The following EIF5 variants were observed in gnomAD, a reference collection of about 807,000 sequenced individuals.
The protein encoded by EIF5 is eukaryotic translation initiation factor 5.
EIF5 carries 10 observed loss-of-function variants against 48.3 expected under a neutral mutation model. The ratio of observed to expected loss-of-function variants is 0.21; its 90% CI spans 0.13 to 0.35. The LOEUF (loss-of-function observed/expected upper bound fraction) is 0.35, where lower values mean the gene tolerates loss of function less well. Among genes scored for constraint, EIF5 ranks in the 10% least tolerant of loss-of-function variants. The pLI is 1.00. For synonymous variants in EIF5, 237 were observed against 173.1 expected (o/e 1.37, Z -2.90); for missense variants, 397 against 533.2 (o/e 0.74, Z 2.51).
chr14:103,340,738 CTG>C lies in EIF5; in HGVS notation c.1206+181_1206+182del, dbSNP rs551059148. On this transcript the variant is annotated intron_variant, in intron 11 of 11. Coordinates refer to ENST00000216554, the MANE Select transcript of EIF5 (RefSeq NM_001969.5). ...AAAATAATAGAAAGGGTGATGGAAA[CTG>C]TGTTCCTACTCCTACACATTATAGT... Among the ~76,000 whole-genome samples the C allele has an allele frequency of 1.8e-4, 28 of 152,234 alleles. No homozygotes were observed. In the South Asian group the frequency reaches 3.5e-3, roughly 19 times the overall value.
chr14:103,338,740 AGAG>A lies in EIF5; in HGVS notation c.597_599del (p.Glu199del), dbSNP rs749273358. On this transcript the variant is annotated inframe_deletion, in exon 8 of 12. Transcript: ENST00000216554. ...AGCTCTGTTTTCATAAACAGGAAGAAGAGGAGGATGATGACTGGGGAGAAGATA... is the reference window on the plus strand; with the variant it reads ...AGCTCTGTTTTCATAAACAGGAAGAAGAGGATGATGACTGGGGAGAAGATA... The A allele has an allele frequency of 1.1e-5, 18 of 1,613,270 alleles. No homozygotes were observed. Among genetic ancestry groups the A allele is most frequent in the East Asian group, 1.1e-4 (5 of 44,900 alleles).
In EIF5 at chr14:103,334,243, A is replaced by C. The variant is rs2089253705; in HGVS notation, c.-435A>C. The C allele has an allele frequency of 6.6e-6, 1 of 152,638 alleles. No individual in the cohort carries two copies. The highest frequency in any genetic ancestry group is 6.5e-5 in the Admixed American group (1 of 15,276). The allele number at this position is 152,638 out of a possible 1,614,324, so 9.5% of individuals were successfully genotyped here. ...CGCGGCGGCGGCGTTGTTCAGTCAG[A>C]GCGAGAACATTCCAGAGGTGAGTCC... is the stretch of plus-strand genomic sequence containing the variant. On this transcript the variant is annotated 5_prime_UTR_variant, in exon 1 of 12. Transcript: ENST00000216554.
Position 103,342,799 on chromosome 14 carries a change from T to C in EIF5, c.*1747T>C, listed in dbSNP as rs775804971. ...GAGGATTTTTTTTTCTTCAAACTTG[T>C]ATGTTGCCTAGGTTTCAAATTCTTT... is the stretch of plus-strand genomic sequence containing the variant. On this transcript the variant is annotated 3_prime_UTR_variant, in exon 12 of 12. Coordinates refer to ENST00000216554, the MANE Select transcript of EIF5 (RefSeq NM_001969.5). 6.6e-6 allele frequency: 1 copy of C among 152,628 alleles called. No individual in the cohort carries two copies. The highest frequency in any genetic ancestry group is 1.9e-4 in the East Asian group (1 of 5,200). The allele number at this position is 152,628 out of a possible 1,614,324, so 9.5% of individuals were successfully genotyped here. A position where few individuals can be genotyped will look rare whatever the true frequency, so the allele number is the denominator to read the frequency against.
intron 11 of EIF5, 60 bp from the exon 12 acceptor site, chr14:103,340,903 T>G: frequency 6.5e-7 from 1 of 1,543,202 alleles, no homozygotes; most frequent in South Asian, 1.1e-5. Flanking sequence ...CAATTTACAT[T>G]GATTTGTTTT....
chr14:103,334,807 G>A (rs1017017742), intron 2 of EIF5: 2 of 150,560 alleles, frequency 1.3e-5, no homozygotes, highest in Non-Finnish European at 3.0e-5. Context: ...CCCGCCGCTC[G>A]GGCTGACTCA....
At position 103,339,623 on chromosome 14, in the gene EIF5, AGGT is replaced by A; in HGVS notation, c.907-14_907-12del. 1 of 1,614,068 alleles carries A rather than the reference AGGT, an allele frequency of 6.2e-7. No individual in the cohort carries two copies. Among genetic ancestry groups the A allele is most frequent in the Non-Finnish European group, 8.5e-7 (1 of 1,179,984 alleles). ...CACATAAAAAAGATTGTTAACACCA[AGGT>A]GTCTATTTGCAGTTTTGTCACAACA... On this transcript the variant is annotated splice_polypyrimidine_tract_variant and intron_variant, in intron 9 of 11. Transcript: ENST00000216554.
Position 103,341,490 on chromosome 14 carries a change from C to G in EIF5, c.*438C>G, listed in dbSNP as rs1158276794. ...TTAGGTCCTGGGGCTGCAAAGAGGT[C>G]CTCAACAGGATGTAAAGCAAACTTA... On this transcript the variant is annotated 3_prime_UTR_variant, in exon 12 of 12. Transcript: ENST00000216554. The G allele has an allele frequency of 6.3e-6, 1 of 158,880 alleles. No homozygotes were observed. Among genetic ancestry groups the G allele is most frequent in the African/African-American group, 2.4e-5 (1 of 41,552 alleles). The allele number at this position is 158,880 out of a possible 1,614,324, so 9.8% of individuals were successfully genotyped here.
intron 4 of EIF5, 43 bp downstream of exon 4, chr14:103,336,160 G>C: frequency 1.3e-6 from 2 of 1,585,074 alleles, no homozygotes; most frequent in Non-Finnish European, 1.7e-6. Context: ...ATTATGGATA[G>C]AGTCTTCAAA....
chr14:103,334,402 G>A lies in EIF5; in HGVS notation c.-404G>A, dbSNP rs1307243598. The A allele has an allele frequency of 1.3e-5, 2 of 152,256 alleles. No homozygotes were observed. Among genetic ancestry groups the A allele is most frequent in the African/African-American group, 4.8e-5 (2 of 41,418 alleles). 9.4% of individuals were successfully genotyped at this position (152,256 alleles called of 1,614,324 possible). On this transcript the variant is annotated 5_prime_UTR_variant, in exon 2 of 12. Transcript: ENST00000216554. ...TCTCCGCGCCAGGTCGCCCAGCTCC[G>A]GCGCTGACGGGTGTGGACCGCGGAC...
In EIF5 at chr14:103,336,026, T is replaced by C. The variant is rs747649969; in HGVS notation, c.73-10T>C. 28 of 1,614,048 alleles carry C rather than the reference T, an allele frequency of 1.7e-5. No homozygotes were observed. The highest frequency in any genetic ancestry group is 1.6e-4 in the Middle Eastern group (1 of 6,084). ...GGAAACTGCACAACTAAAATTCTTA[T>C]TTCCTTTAGGTTGAGGGCAAAGGCA... On this transcript the variant is annotated splice_polypyrimidine_tract_variant and intron_variant, in intron 3 of 11. Transcript: ENST00000216554.
rs900781198 is a variant in EIF5 at position 103,342,511 on chromosome 14, T to G, written c.*1459T>G. The G allele has an allele frequency of 2.6e-5, 4 of 152,226 alleles. No homozygotes were observed. The highest frequency in any genetic ancestry group is 4.4e-5 in the Non-Finnish European group (3 of 68,028). The allele number at this position is 152,226 out of a possible 1,614,324, so 9.4% of individuals were successfully genotyped here. A position where few individuals can be genotyped will look rare whatever the true frequency, so the allele number is the denominator to read the frequency against. ...ATAGGGTTAATTTTGGAGCAGTGGCTTATACCATTCACCTCTGTTTTTTTG... is the reference window on the plus strand; with the variant it reads ...ATAGGGTTAATTTTGGAGCAGTGGCGTATACCATTCACCTCTGTTTTTTTG... On this transcript the variant is annotated 3_prime_UTR_variant, in exon 12 of 12. Transcript: ENST00000216554.
At position 103,334,513 on chromosome 14, in the gene EIF5, C is replaced by T. The variant is rs1404962122; in HGVS notation, c.-293C>T. ...TGCGCTTCGCCTCCGCCTCCTCGGA[C>T]TCGGACTCGGGTTTATATCGCGCCT... is the stretch of plus-strand genomic sequence containing the variant. On this transcript the variant is annotated 5_prime_UTR_variant, in exon 2 of 12. Transcript: ENST00000216554. 1 of 151,838 alleles carries T rather than the reference C, an allele frequency of 6.6e-6. No homozygotes were observed. The highest frequency in any genetic ancestry group is 1.5e-5 in the Non-Finnish European group (1 of 67,830). 9.4% of individuals were successfully genotyped at this position (151,838 alleles called of 1,614,324 possible).
In EIF5 at chr14:103,336,070, T is replaced by C. The variant is rs750458635; in HGVS notation, c.107T>C (p.Ile36Thr). 1.9e-6 allele frequency: 3 copies of C among 1,614,100 alleles called. No homozygotes were observed. Among genetic ancestry groups the C allele is most frequent in the African/African-American group, 1.3e-5 (1 of 74,934 alleles). ...EGKGNGIKTV[I>T]VNMVDVAKAL... ...AAAGGCAATGGAATCAAGACAGTTA[T>C]AGTCAACATGGTTGACGTTGCAAAG... The change falls in exon 4 of 12, where the codon ATA becomes ACA. Residue 36 changes from isoleucine to threonine, a missense_variant. Coordinates refer to ENST00000216554, the MANE Select transcript of EIF5 (RefSeq NM_001969.5).
chr14:103,341,526 A>G lies in EIF5; in HGVS notation c.*474A>G, dbSNP rs1017977260. 6.4e-6 allele frequency: 1 copy of G among 156,728 alleles called. No individual in the cohort carries two copies. Among genetic ancestry groups the G allele is most frequent in the Non-Finnish European group, 1.4e-5 (1 of 70,432 alleles). 9.7% of individuals were successfully genotyped at this position (156,728 alleles called of 1,614,324 possible). On this transcript the variant is annotated 3_prime_UTR_variant, in exon 12 of 12. Transcript: ENST00000216554. The stretch of plus-strand genomic sequence containing the variant: ...TGTAAAGCAAACTTAATTGTAATTA[A>G]TTTATTCAGCCCATTAAGAAAGTAC...
chr14:103,339,598 C>G (rs377592907), intron 9 of EIF5, 41 bp from the exon 10 acceptor site: 29 of 1,610,074 alleles, frequency 1.8e-5, no homozygotes, highest in Non-Finnish European at 2.0e-5. Flanking sequence ...CAACTTAGAA[C>G]ACATAAAAAA....
chr14:103,339,626 T>A lies in EIF5; in HGVS notation c.907-13T>A. 3.1e-6 allele frequency: 5 copies of A among 1,614,026 alleles called. No homozygotes were observed. The highest frequency in any genetic ancestry group is 3.4e-6 in the Non-Finnish European group (4 of 1,179,986). On this transcript the variant is annotated splice_polypyrimidine_tract_variant and intron_variant, in intron 9 of 11. Coordinates refer to ENST00000216554, the MANE Select transcript of EIF5 (RefSeq NM_001969.5). The stretch of plus-strand genomic sequence containing the variant: ...ATAAAAAAGATTGTTAACACCAAGG[T>A]GTCTATTTGCAGTTTTGTCACAACA...
chr14:103,336,715 A>T lies in EIF5; in HGVS notation c.193A>T (p.Thr65Ser). The T allele has an allele frequency of 6.2e-7, 1 of 1,613,582 alleles. No homozygotes were observed. The highest frequency in any genetic ancestry group is 8.5e-7 in the Non-Finnish European group (1 of 1,179,878). The part of the protein sequence containing the change: ...KYFGCELGAQ[T>S]QFDVKNDRYI... ...TTTTGGTTGTGAGCTGGGAGCACAG[A>T]CCCAGTTTGATGTTAAGAATGACCG... is the stretch of plus-strand genomic sequence containing the variant. The change falls in exon 5 of 12, where the codon ACC becomes TCC. Residue 65 changes from threonine (T) to serine (S), a missense_variant. Thr to Ser is a moderately conservative substitution (Grantham distance 58). This residue lies in a region of EIF5 where 108 missense variants were observed against 188.3 expected (regional missense o/e 0.57). Transcript: ENST00000216554.
At chr14:103,336,201 T>C in intron 4 of EIF5, 84 bp downstream of exon 4, 1 of 1,321,966 alleles carries the variant, frequency 7.6e-7, no homozygotes, top group Admixed American at 2.2e-5. Context: ...GTTCTAATTG[T>C]ATGCTAGCTA....
At chr14:103,335,981 T>C in intron 3 of EIF5, 49 bp downstream of exon 3, 2 of 1,614,056 alleles carry the variant, frequency 1.2e-6, no homozygotes, top group Non-Finnish European at 1.7e-6. Flanking sequence ...TGTAGAATTT[T>C]GAAGTTTGCA....
Sources: allele counts gnomAD v4.1 joint callset (sites outside exome capture counted in the v4.1 genomes callset), GRCh38; gene constraint gnomAD v4.1.1; regional missense constraint gnomAD v4.1.1; transcripts MANE v1.5; gene names NCBI Gene and HGNC (gene_info 2026-07-23, HGNC 2026-07-21).